The following SEPTIN14 variants were observed in gnomAD, a reference collection of about 807,000 sequenced individuals.
SEPTIN14 encodes septin-14.
In SEPTIN14, 40 loss-of-function variants were observed where a neutral mutation model predicts 53.6. That is an observed-to-expected ratio of 0.75 (90% confidence interval 0.58 to 0.97). SEPTIN14 has a LOEUF of 0.97. SEPTIN14 is among the 50% of genes least tolerant of loss of function. SEPTIN14 has a pLI of 0.00. For missense variants in SEPTIN14, 471 were observed against 508.2 expected (o/e 0.93, Z 0.70); for synonymous variants, 138 against 166.8 (o/e 0.83, Z 1.33).
chr7:55,817,840 CAT>C (rs1311381009), intron 7 of SEPTIN14, among the ~76,000 whole-genome samples: 2 of 152,070 alleles, frequency 1.3e-5, no homozygotes, highest in African/African-American at 2.4e-5. Flanking sequence ...TGAGATAACA[CAT>C]ATGTTAATTA....
chr7:55,860,593 C>A (rs1038695578), intron 2 of SEPTIN14, among the ~76,000 whole-genome samples: 3 of 152,098 alleles, frequency 2.0e-5, no homozygotes, highest in Non-Finnish European at 2.9e-5. Context: ...ACATGAAGCA[C>A]CCTGACTTGA....
intron 5 of SEPTIN14, among the ~76,000 whole-genome samples, chr7:55,840,477 G>A (rs559463935): frequency 1.4e-4 from 21 of 151,852 alleles, no homozygotes; most frequent in South Asian, 1.0e-3. Flanking sequence ...CAACAAAAGC[G>A]AAACTCCGTC....
intron 2 of SEPTIN14, among the ~76,000 whole-genome samples, chr7:55,855,519 G>A (rs973617083): frequency 1.3e-5 from 2 of 152,110 alleles, no homozygotes; most frequent in African/African-American, 4.8e-5. Flanking sequence ...AAAAGTATGA[G>A]CCATAAAGAG....
intron 9 of SEPTIN14, among the ~76,000 whole-genome samples, chr7:55,804,076 C>T (rs1352848796): frequency 7.8e-6 from 1 of 127,982 alleles, no homozygotes; most frequent in Non-Finnish European, 1.6e-5. Context: ...GCGGAGCTTG[C>T]GGTGAGCCCA....
At chr7:55,853,781 T>C (rs566254011) in intron 2 of SEPTIN14, among the ~76,000 whole-genome samples, 109 of 152,304 alleles carry the variant, frequency 7.2e-4, no homozygotes, top group African/African-American at 2.5e-3. Context: ...ATATCTCATA[T>C]GCCCCATAAA....
At chr7:55,808,245 C>T (rs1788641320) in intron 7 of SEPTIN14, among the ~76,000 whole-genome samples, 1 of 152,144 alleles carries the variant, frequency 6.6e-6, no homozygotes, top group Non-Finnish European at 1.5e-5. Context: ...CAGGATAGAT[C>T]ATATGTTAGG....
At chr7:55,820,009 TG>T (rs1186466155) in intron 6 of SEPTIN14, among the ~76,000 whole-genome samples, 1 of 152,170 alleles carries the variant, frequency 6.6e-6, no homozygotes, top group African/African-American at 2.4e-5. Flanking sequence ...AAATTATGTT[TG>T]TTTTTTTGAG....
At chr7:55,826,595 C>T (rs1788990897) in intron 6 of SEPTIN14, among the ~76,000 whole-genome samples, 1 of 152,098 alleles carries the variant, frequency 6.6e-6, no homozygotes, top group Non-Finnish European at 1.5e-5. Context: ...GTCAGGAGTT[C>T]AAGACCAGCC....
intron 9 of SEPTIN14, among the ~76,000 whole-genome samples, chr7:55,801,680 G>T (rs1788524058): frequency 6.6e-6 from 1 of 152,108 alleles, no homozygotes; most frequent in African/African-American, 2.4e-5. Context: ...AGCAGTTTAG[G>T]AGGCTGAGGT....
At chr7:55,800,938 G>A (rs143868447) in intron 9 of SEPTIN14, among the ~76,000 whole-genome samples, 33 of 151,858 alleles carry the variant, frequency 2.2e-4, no homozygotes, top group South Asian at 8.3e-4. Context: ...AATATCTATC[G>A]TACCCCATAA....
In SEPTIN14 at chr7:55,844,739, T is replaced by C. The variant is rs547152169; in HGVS notation, c.176-21A>G. ...CTCCCCTGTAATAGACATAGAGTCA[T>C]TGTCATAGGGACATAAAGGGGCTAA... On this transcript the variant is annotated intron_variant, in intron 3 of 9. Coordinates refer to ENST00000388975, the MANE Select transcript of SEPTIN14 (RefSeq NM_207366.3). The C allele has an allele frequency of 8.6e-5, 121 of 1,408,518 alleles. 1 individual carries two copies. The Admixed American group carries it at 2.2e-3, about 26-fold the overall frequency. The allele number at this position is 1,408,518 out of a possible 1,614,324, so 87.3% of individuals were successfully genotyped here. A position where few individuals can be genotyped will look rare whatever the true frequency, so the allele number is the denominator to read the frequency against.
At chr7:55,847,224 A>C (rs1789430440) in intron 2 of SEPTIN14, among the ~76,000 whole-genome samples, 1 of 152,104 alleles carries the variant, frequency 6.6e-6, no homozygotes, top group African/African-American at 2.4e-5. Context: ...TTAATTAATT[A>C]ATTAAATAGG....
chr7:55,805,090 G>A (rs1022734888), intron 9 of SEPTIN14, among the ~76,000 whole-genome samples, 168 bp downstream of exon 9: 15 of 151,996 alleles, frequency 9.9e-5, no homozygotes, highest in African/African-American at 3.6e-4. Flanking sequence ...AAACACTACA[G>A]ACTATAATTT....
intron 2 of SEPTIN14, among the ~76,000 whole-genome samples, chr7:55,852,327 C>A (rs1423561336): frequency 6.6e-6 from 1 of 152,042 alleles, no homozygotes; most frequent in Non-Finnish European, 1.5e-5. Flanking sequence ...ATGGTACTGG[C>A]ATGAAAACAG....
At chr7:55,857,448 G>C (rs1789653321) in intron 2 of SEPTIN14, among the ~76,000 whole-genome samples, 1 of 123,404 alleles carries the variant, frequency 8.1e-6, no homozygotes, top group Non-Finnish European at 1.7e-5. Flanking sequence ...GAAAAGGAAA[G>C]GAAGGGAAGG....
intron 6 of SEPTIN14, among the ~76,000 whole-genome samples, chr7:55,824,275 C>T: frequency 6.6e-6 from 1 of 152,168 alleles, no homozygotes. Flanking sequence ...ATACAAAGAA[C>T]TCTTAAAACC....
intron 6 of SEPTIN14, among the ~76,000 whole-genome samples, chr7:55,819,446 G>A (rs1307560189): frequency 1.5e-4 from 23 of 151,936 alleles, no homozygotes; most frequent in African/African-American, 4.1e-4. Context: ...AAAATTAGCC[G>A]GGCATGGTGG....
At chr7:55,839,391 G>GGA (rs1222952796) in intron 5 of SEPTIN14, among the ~76,000 whole-genome samples, 1 of 82,578 alleles carries the variant, frequency 1.2e-5, no homozygotes, top group East Asian at 3.0e-4. Context: ...CTCCGTCTCA[G>GGA]AAAAAAAAAA....
intron 5 of SEPTIN14, among the ~76,000 whole-genome samples, chr7:55,840,633 T>C (rs1388587596): frequency 2.0e-5 from 3 of 152,174 alleles, no homozygotes; most frequent in African/African-American, 7.2e-5. Flanking sequence ...CTTGGACTTC[T>C]GTCCTCCAAG....
Sources: allele counts gnomAD v4.1 joint callset (sites outside exome capture counted in the v4.1 genomes callset), GRCh38; gene constraint gnomAD v4.1.1; transcripts MANE v1.5; gene names NCBI Gene and HGNC (gene_info 2026-07-23, HGNC 2026-07-21).